APBA2: variants seen among roughly 807,000 people sequenced by gnomAD.
APBA2 encodes amyloid-beta A4 precursor protein-binding family A member 2.
In APBA2, 30 loss-of-function variants were observed where a neutral mutation model predicts 75.0. That is an observed-to-expected ratio of 0.40 (90% CI 0.30 to 0.54). The LOEUF is 0.54. Among genes scored for constraint, APBA2 ranks in the 20% least tolerant of loss-of-function variants. The pLI, the probability that APBA2 is intolerant of heterozygous loss-of-function variation, is 0.49. For missense variants in APBA2, 801 were observed against 1,016.1 expected, an observed-to-expected ratio of 0.79 and a Z score of 2.88; for synonymous variants, 444 against 409.6, an observed-to-expected ratio of 1.08 and a Z score of -1.01.
chr15:29,009,677 A>G (rs1003389415), intron 3 of APBA2, among the ~76,000 whole-genome samples: 7 of 152,170 alleles, frequency 4.6e-5, no homozygotes, highest in African/African-American at 1.7e-4. Context: ...GAATTTCTAC[A>G]ATATATACTG....
Position 28,991,888 on chromosome 15 carries a change from A to T in APBA2, c.-94-3865A>T, listed in dbSNP as rs376001656. Among the ~76,000 whole-genome samples, 354 of 152,066 alleles carry T rather than the reference A, an allele frequency of 2.3e-3. 1 individual carries two copies. Among genetic ancestry groups the T allele is most frequent in the African/African-American group, 8.2e-3 (342 of 41,484 alleles). ...GGCACAGTGCACCAGAGTTTCCCAA[A>T]CCTGTGTGCCGAGTGCCAGCCCCTT... On this transcript the variant is annotated intron_variant, in intron 2 of 14. Coordinates refer to ENST00000683413, the MANE Select transcript of APBA2 (RefSeq NM_001353788.2). The surrounding 1 kb of genome is among the most constrained non-coding windows in gnomAD (Gnocchi z 4.7).
At chr15:29,039,108 TG>T (rs2152858988) in intron 3 of APBA2, among the ~76,000 whole-genome samples, 1 of 98,258 alleles carries the variant, frequency 1.0e-5, no homozygotes, top group Non-Finnish European at 1.9e-5. Flanking sequence ...GGTGTGTGTG[TG>T]TGTGTGTGTG....
chr15:29,054,154 C>T lies in APBA2; in HGVS notation c.270C>T (p.Leu90=). 6.2e-7 allele frequency: 1 copy of T among 1,614,200 alleles called. No individual in the cohort carries two copies. The highest frequency in any genetic ancestry group is 8.5e-7 in the Non-Finnish European group (1 of 1,180,034). The change falls in exon 4 of 15, where the codon CTC becomes CTT. Residue 90 remains leucine, a synonymous_variant. Transcript: ENST00000683413. The surrounding 1 kb of genome is among the most constrained non-coding windows in gnomAD (Gnocchi z 6.1). ...TSEEEDYDEG[L]PEEEEGITYY... ...AGGAGGAGGACTATGACGAGGGCCT[C>T]CCTGAGGAGGAGGAGGGCATCACCT... is the stretch of plus-strand genomic sequence containing the variant.
chr15:28,967,043 GTCT>G (rs552289681), intron 2 of APBA2, among the ~76,000 whole-genome samples: 72 of 152,162 alleles, frequency 4.7e-4, no homozygotes, highest in South Asian at 1.9e-3. Context: ...GGACAGTCTA[GTCT>G]TCTTCTGTTA....
intron 2 of APBA2, among the ~76,000 whole-genome samples, chr15:28,974,075 C>T (rs1310294978): frequency 2.0e-5 from 3 of 152,100 alleles, no homozygotes; most frequent in African/African-American, 7.2e-5. Flanking sequence ...CATAGTGGCA[C>T]CCAACTCTAT....
chr15:28,986,134 C>A (rs2037914915), intron 2 of APBA2, among the ~76,000 whole-genome samples: 1 of 152,244 alleles, frequency 6.6e-6, no homozygotes, highest in African/African-American at 2.4e-5. Flanking sequence ...GGCTCTCCAG[C>A]CCATAGAGGA....
chr15:29,116,320 T>G (rs1460316592), intron 14 of APBA2, among the ~76,000 whole-genome samples: 1 of 151,962 alleles, frequency 6.6e-6, no homozygotes, highest in Non-Finnish European at 1.5e-5. Flanking sequence ...TCCTGGCCCG[T>G]GTGTGTTTTG....
intron 3 of APBA2, among the ~76,000 whole-genome samples, chr15:29,021,055 G>C (rs1233917975): frequency 6.6e-6 from 1 of 152,014 alleles, no homozygotes; most frequent in Non-Finnish European, 1.5e-5. Flanking sequence ...GGGGAAATCC[G>C]TTTTGTTTAT....
intron 2 of APBA2, among the ~76,000 whole-genome samples, chr15:28,938,864 T>C (rs1366821357): frequency 6.6e-6 from 1 of 152,228 alleles, no homozygotes; most frequent in Non-Finnish European, 1.5e-5. Context: ...AAAGTACACA[T>C]AACATAAAAT....
intron 1 of APBA2, among the ~76,000 whole-genome samples, chr15:28,915,481 A>T (rs1264338568): frequency 1.4e-5 from 2 of 139,578 alleles, no homozygotes; most frequent in East Asian, 4.4e-4. Context: ...ATACATACAC[A>T]CCCCATACAC....
intron 10 of APBA2, 22 bp downstream of exon 10, chr15:29,101,806 C>T (rs73370275): frequency 0.14 from 225,994 of 1,607,246 alleles, 16,702 homozygotes; most frequent in East Asian, 0.29. Flanking sequence ...CTTGCCAGGG[C>T]ACTCCCCTCC....
chr15:29,056,610 C>CTCCCTTCCTCCCT (rs1555402764), intron 4 of APBA2, among the ~76,000 whole-genome samples: 2 of 45,930 alleles, frequency 4.4e-5, no homozygotes, highest in Non-Finnish European at 7.6e-5. Flanking sequence ...CCCTCCCTCC[C>CTCCCTTCCTCCCT]TCCTTCTCTC....
chr15:28,913,749 T>TA (rs972754756), intron 1 of APBA2, among the ~76,000 whole-genome samples: 2 of 152,142 alleles, frequency 1.3e-5, no homozygotes, highest in African/African-American at 2.4e-5. Context: ...TTATTTAAAT[T>TA]AAAAAAAATT....
chr15:28,927,451 T>A (rs2034329847), intron 2 of APBA2, among the ~76,000 whole-genome samples: 1 of 152,072 alleles, frequency 6.6e-6, no homozygotes, highest in Non-Finnish European at 1.5e-5. Context: ...TTGGCCATCA[T>A]TACCTCAAAT....
chr15:28,891,897 A>G (rs1034180174), intron 1 of APBA2, among the ~76,000 whole-genome samples: 1 of 152,160 alleles, frequency 6.6e-6, no homozygotes, highest in South Asian at 2.1e-4. Context: ...GCTTAGTGAC[A>G]TTGTCGTAAA....
At chr15:29,100,116 T>C (rs1020040981) in intron 9 of APBA2, among the ~76,000 whole-genome samples, 11 of 152,238 alleles carry the variant, frequency 7.2e-5, no homozygotes, top group South Asian at 4.2e-4. Flanking sequence ...GATGCGGCCA[T>C]GTTGGTAGGC....
At chr15:29,039,155 G>A (rs1050550603) in intron 3 of APBA2, among the ~76,000 whole-genome samples, 7 of 135,146 alleles carry the variant, frequency 5.2e-5, no homozygotes, top group East Asian at 4.7e-4. Flanking sequence ...GTGTGTGTGT[G>A]TATCAGGGTT....
chr15:29,071,532 GT>G (rs2042623403), intron 4 of APBA2, among the ~76,000 whole-genome samples: 1 of 150,488 alleles, frequency 6.6e-6, no homozygotes, highest in South Asian at 2.1e-4. Flanking sequence ...CTGGCATCTT[GT>G]TTTGAGGGGT....
intron 3 of APBA2, among the ~76,000 whole-genome samples, chr15:29,050,086 G>A (rs1434898008): frequency 6.6e-6 from 1 of 152,140 alleles, no homozygotes; most frequent in African/African-American, 2.4e-5. Context: ...TAGTTTGCTG[G>A]AATTTCTGAA....
Sources: allele counts gnomAD v4.1 joint callset (sites outside exome capture counted in the v4.1 genomes callset), GRCh38; gene constraint gnomAD v4.1.1; non-coding constraint Gnocchi (gnomAD v3.1); transcripts MANE v1.5; gene names NCBI Gene and HGNC (gene_info 2026-07-23, HGNC 2026-07-21).